The following CCDC148 variants were observed in gnomAD, a reference collection of about 807,000 sequenced individuals.
CCDC148 encodes coiled-coil domain containing 148.
CCDC148 carries 89 observed loss-of-function variants against 85.7 expected under a neutral mutation model. That is an observed-to-expected ratio of 1.04 (90% CI 0.87 to 1.24). CCDC148 has a LOEUF of 1.24. CCDC148 is among the 50% of genes most tolerant of loss of function. The pLI is 0.00. For missense variants in CCDC148, 692 were observed against 671.7 expected (o/e 1.03, Z -0.33); for synonymous variants, 230 against 213.9 (o/e 1.08, Z -0.66).
chr2:158,220,451 T>A, intron 11 of CCDC148, 144 bp downstream of exon 11: 1 of 607,962 alleles, frequency 1.6e-6, no homozygotes, highest in Non-Finnish European at 2.8e-6. Flanking sequence ...ATCATAGATA[T>A]CATTGTATTC....
intron 2 of CCDC148, among the ~76,000 whole-genome samples, chr2:158,352,897 C>A (rs1464911118): frequency 6.6e-6 from 1 of 151,832 alleles, no homozygotes; most frequent in Admixed American, 6.6e-5. Flanking sequence ...ACCCTACAAG[C>A]CAGAAGAGAG....
At chr2:158,194,160 G>C (rs1213625016) in intron 11 of CCDC148, among the ~76,000 whole-genome samples, 2 of 152,058 alleles carry the variant, frequency 1.3e-5, no homozygotes, top group East Asian at 3.9e-4. Flanking sequence ...AAATGAGGAA[G>C]GGTGTTGGCA....
intron 9 of CCDC148, among the ~76,000 whole-genome samples, chr2:158,289,018 A>G (rs1438984349): frequency 6.6e-6 from 1 of 152,208 alleles, no homozygotes; most frequent in East Asian, 1.9e-4. Context: ...CACTATTATG[A>G]GAATAGCATG....
intron 9 of CCDC148, among the ~76,000 whole-genome samples, chr2:158,282,970 C>T (rs1161955754): frequency 5.3e-5 from 8 of 152,180 alleles, no homozygotes; most frequent in African/African-American, 7.2e-5. Context: ...TCGGAAATAA[C>T]GCTGCATATC....
At chr2:158,438,732 G>T (rs533800034) in intron 1 of CCDC148, among the ~76,000 whole-genome samples, 7 of 151,918 alleles carry the variant, frequency 4.6e-5, no homozygotes, top group Non-Finnish European at 8.8e-5. Flanking sequence ...CTCATCTGAC[G>T]AAGGGCTAAT....
intron 13 of CCDC148, 116 bp downstream of exon 13, chr2:158,176,405 A>G (rs1169427952): frequency 6.3e-6 from 6 of 950,656 alleles, no homozygotes; most frequent in Non-Finnish European, 9.1e-6. Flanking sequence ...AATTATGCTA[A>G]TATGTAAGAT....
At chr2:158,368,397 A>G (rs1187532844) in intron 1 of CCDC148, among the ~76,000 whole-genome samples, 1 of 152,100 alleles carries the variant, frequency 6.6e-6, no homozygotes, top group Non-Finnish European at 1.5e-5. Flanking sequence ...AGGCTATTTC[A>G]ATTTTATGTT....
intron 11 of CCDC148, among the ~76,000 whole-genome samples, chr2:158,208,355 C>CA (rs11410346): frequency 0.95 from 144,850 of 152,202 alleles, 69,269 homozygotes; most frequent in Non-Finnish European, 1. Context: ...TCTTTTTTCT[C>CA]GCTTCTGAGC....
chr2:158,360,694 T>C (rs1262155755), intron 1 of CCDC148, among the ~76,000 whole-genome samples: 3 of 151,984 alleles, frequency 2.0e-5, no homozygotes, highest in East Asian at 3.9e-4. Context: ...AGACCAAAGA[T>C]AGATAAATCC....
intron 10 of CCDC148, among the ~76,000 whole-genome samples, chr2:158,245,783 A>G (rs1688546564): frequency 6.6e-6 from 1 of 152,190 alleles, no homozygotes; most frequent in Non-Finnish European, 1.5e-5. Flanking sequence ...TGTTTCTTAC[A>G]ATAGCTCCCA....
At position 158,456,440 on chromosome 2, in the gene CCDC148, G is replaced by A. The variant is rs948135026; in HGVS notation, c.-1C>T. ...CTGGAGAAGCAGAAGCTGCACACAT[G>A]TCAAAGGTCAAAGGGCATAGCCTCA... On this transcript the variant is annotated 5_prime_UTR_variant, in exon 1 of 14. Coordinates refer to ENST00000283233, the MANE Select transcript of CCDC148 (RefSeq NM_138803.4). The A allele has an allele frequency of 1.2e-6, 2 of 1,610,774 alleles. No homozygotes were observed. The highest frequency in any genetic ancestry group is 1.7e-5 in the Admixed American group (1 of 59,598).
At chr2:158,386,195 T>C (rs1685080842) in intron 1 of CCDC148, among the ~76,000 whole-genome samples, 1 of 152,052 alleles carries the variant, frequency 6.6e-6, no homozygotes, top group African/African-American at 2.4e-5. Flanking sequence ...CACTATAAAA[T>C]AGCTGCTATT....
chr2:158,254,108 A>G (rs1474223569), intron 9 of CCDC148, among the ~76,000 whole-genome samples: 1 of 151,688 alleles, frequency 6.6e-6, no homozygotes, highest in East Asian at 1.9e-4. Context: ...ATTGATAGAC[A>G]TTTATGGAAC....
chr2:158,266,936 A>T (rs1395563822), intron 9 of CCDC148, among the ~76,000 whole-genome samples: 1 of 150,686 alleles, frequency 6.6e-6, no homozygotes, highest in Non-Finnish European at 1.5e-5. Context: ...ATATGCACAC[A>T]TATATATGTG....
At chr2:158,388,438 C>T (rs1003645808) in intron 1 of CCDC148, among the ~76,000 whole-genome samples, 3 of 152,120 alleles carry the variant, frequency 2.0e-5, no homozygotes, top group Non-Finnish European at 4.4e-5. Flanking sequence ...CTCTAACACC[C>T]TTGGCAAGTT....
At chr2:158,440,562 T>G (rs1358815254) in intron 1 of CCDC148, among the ~76,000 whole-genome samples, 1 of 152,186 alleles carries the variant, frequency 6.6e-6, no homozygotes, top group Admixed American at 6.5e-5. Flanking sequence ...CTGTTTTTTC[T>G]TATACTTATG....
intron 1 of CCDC148, among the ~76,000 whole-genome samples, chr2:158,372,435 A>G (rs1321092306): frequency 6.6e-6 from 1 of 152,030 alleles, no homozygotes; most frequent in Non-Finnish European, 1.5e-5. Flanking sequence ...AAGAATAATG[A>G]AAGTAATCCT....
At chr2:158,285,777 C>G (rs1214970124) in intron 9 of CCDC148, among the ~76,000 whole-genome samples, 5 of 151,756 alleles carry the variant, frequency 3.3e-5, no homozygotes, top group African/African-American at 1.2e-4. Flanking sequence ...ACCTCATGAT[C>G]CACCCGCCTC....
intron 10 of CCDC148, among the ~76,000 whole-genome samples, chr2:158,245,638 T>A (rs762765346): frequency 6.6e-6 from 1 of 152,178 alleles, no homozygotes; most frequent in Admixed American, 6.5e-5. Context: ...CTAGGCATCA[T>A]GCAGCAACAA....
Sources: gnomAD v4.1 joint callset for allele counts (sites outside exome capture counted in the v4.1 genomes callset) on GRCh38, gnomAD v4.1.1 for gene constraint, MANE v1.5 for transcripts, NCBI Gene and HGNC (gene_info 2026-07-23, HGNC 2026-07-21) for gene names.